The following CTNND2 variants were observed in gnomAD, a reference collection of about 807,000 sequenced individuals.
CTNND2 encodes the protein catenin delta-2.
A neutral mutation model predicts 144.4 loss-of-function variants in CTNND2; 22 were observed. The ratio of observed to expected loss-of-function variants is 0.15; its 90% CI spans 0.11 to 0.22. The LOEUF is 0.22. Among genes scored for constraint, CTNND2 ranks in the 10% least tolerant of loss-of-function variants. The pLI is 1.00. For synonymous variants in CTNND2, 751 were observed against 695.6 expected (o/e 1.08, Z -1.25); for missense variants, 1,353 against 1,618.8 (o/e 0.84, Z 2.82).
At chr5:11,318,414 C>T (rs1455912495) in intron 9 of CTNND2, among the ~76,000 whole-genome samples, 2 of 152,190 alleles carry the variant, frequency 1.3e-5, no homozygotes, top group Non-Finnish European at 2.9e-5. Context: ...CAAGTGGGCA[C>T]TCAGCCCTGT....
At chr5:11,350,745 C>T (rs1755245244) in intron 8 of CTNND2, among the ~76,000 whole-genome samples, 1 of 152,060 alleles carries the variant, frequency 6.6e-6, no homozygotes, top group South Asian at 2.1e-4. Context: ...TATTAAAGGA[C>T]AGGTTATATA....
rs574845500 is a variant in CTNND2, at chr5:11,109,829, C to A, written c.2463+1029G>T. ...AATCAATCATTATCTTCTCTTGGAT[C>A]TTACTCTGCTTTTTCAAGAAACACA... On this transcript the variant is annotated intron_variant, in intron 14 of 21. Transcript: ENST00000304623. 2.1e-5 allele frequency among the ~76,000 whole-genome samples: 3 copies of A among 144,560 alleles called. No individual in the cohort carries two copies. In the South Asian group the frequency reaches 6.8e-4, roughly 33 times the overall value. The allele number at this position is 144,560 out of a possible 152,430, so 94.8% of individuals were successfully genotyped here.
At chr5:11,356,632 G>T (rs2149757298) in intron 8 of CTNND2, among the ~76,000 whole-genome samples, 1 of 152,000 alleles carries the variant, frequency 6.6e-6, no homozygotes, top group East Asian at 1.9e-4. Flanking sequence ...ACAATATTGG[G>T]CTGGGCAAGA....
At chr5:11,644,923 T>C (rs528204065) in intron 2 of CTNND2, among the ~76,000 whole-genome samples, 32 of 152,180 alleles carry the variant, frequency 2.1e-4, no homozygotes, top group Non-Finnish European at 3.8e-4. Flanking sequence ...AGCAGATGTA[T>C]TCTGAAATCA....
At chr5:11,353,738 G>A (rs1218477478) in intron 8 of CTNND2, among the ~76,000 whole-genome samples, 1 of 152,026 alleles carries the variant, frequency 6.6e-6, no homozygotes, top group East Asian at 1.9e-4. Context: ...AGGAGGCGGA[G>A]GTTGCAGTGA....
rs561162812 is a variant in CTNND2, at chr5:11,264,720, A to C, written c.1629-27897T>G. Among the ~76,000 whole-genome samples, 5 of 152,312 alleles carry C rather than the reference A, an allele frequency of 3.3e-5. No homozygotes were observed. In the East Asian group the frequency reaches 9.6e-4, roughly 29 times the overall value. On this transcript the variant is annotated intron_variant, in intron 9 of 21. Coordinates refer to ENST00000304623, the MANE Select transcript of CTNND2 (RefSeq NM_001332.4). Reference sequence around the variant, plus strand: ...CGAGGCAGGCGGTTGGCCTGAGCTCAGGAGTTCAAGACCAGCCTAGGCAAC... The same window carrying C: ...CGAGGCAGGCGGTTGGCCTGAGCTCCGGAGTTCAAGACCAGCCTAGGCAAC...
chr5:11,682,959 TAATTA>T (rs1784485731), intron 2 of CTNND2, among the ~76,000 whole-genome samples: 1 of 152,220 alleles, frequency 6.6e-6, no homozygotes, highest in Non-Finnish European at 1.5e-5. Context: ...GTAGAAAACA[TAATTA>T]AATAAAGATA....
At chr5:11,457,219 T>C (rs138757323) in intron 3 of CTNND2, among the ~76,000 whole-genome samples, 4 of 152,136 alleles carry the variant, frequency 2.6e-5, no homozygotes, top group Admixed American at 6.5e-5. Context: ...CTGGGCAACA[T>C]AGTGAGACCC....
chr5:11,419,779 C>A (rs180977856), intron 3 of CTNND2, among the ~76,000 whole-genome samples: 1 of 152,136 alleles, frequency 6.6e-6, no homozygotes, highest in African/African-American at 2.4e-5. Flanking sequence ...GGAAAAGACA[C>A]AAAGCAAACC....
At chr5:11,598,528 A>C (rs1779630455) in intron 2 of CTNND2, among the ~76,000 whole-genome samples, 1 of 152,210 alleles carries the variant, frequency 6.6e-6, no homozygotes, top group African/African-American at 2.4e-5. Context: ...ATTACATTTA[A>C]ATGGTATAGT....
chr5:11,843,036 T>C (rs986092861), intron 1 of CTNND2, among the ~76,000 whole-genome samples: 5 of 152,178 alleles, frequency 3.3e-5, no homozygotes, highest in African/African-American at 9.7e-5. Context: ...TGCTTTAATA[T>C]TGCTTCATCA....
chr5:11,436,747 G>T (rs991993682), intron 3 of CTNND2, among the ~76,000 whole-genome samples: 3 of 152,168 alleles, frequency 2.0e-5, no homozygotes, highest in African/African-American at 7.2e-5. Flanking sequence ...GTTTTAAAAT[G>T]ACACAAATGG....
chr5:11,732,280 G>C lies in CTNND2; in HGVS notation c.38-8C>G, dbSNP rs1023068488. On this transcript the variant is annotated splice_region_variant and splice_polypyrimidine_tract_variant and intron_variant, in intron 1 of 21. Coordinates refer to ENST00000304623, the MANE Select transcript of CTNND2 (RefSeq NM_001332.4). ...CTGGAACAGGCATAGCTCCTGCAAG[G>C]CAAGAGGACATGATCAATACAATCA... 1 of 1,612,620 alleles carries C rather than the reference G, an allele frequency of 6.2e-7. No homozygotes were observed. Among genetic ancestry groups the C allele is most frequent in the Non-Finnish European group, 8.5e-7 (1 of 1,179,114 alleles).
At chr5:11,499,878 G>A (rs906073891) in intron 3 of CTNND2, among the ~76,000 whole-genome samples, 2 of 151,580 alleles carry the variant, frequency 1.3e-5, no homozygotes, top group African/African-American at 4.8e-5. Flanking sequence ...TTTTCTTGAA[G>A]AATCTCCCAC....
intron 3 of CTNND2, among the ~76,000 whole-genome samples, chr5:11,498,760 T>C (rs1581345315): frequency 6.6e-6 from 1 of 152,246 alleles, no homozygotes; most frequent in East Asian, 1.9e-4. Flanking sequence ...GTTTTTTTCC[T>C]TTACTTAAAA....
chr5:11,585,239 A>G (rs1778755484), intron 2 of CTNND2, among the ~76,000 whole-genome samples: 1 of 152,132 alleles, frequency 6.6e-6, no homozygotes, highest in Non-Finnish European at 1.5e-5. Context: ...ATGCAGAGTA[A>G]GAAGGGTGTT....
chr5:11,844,304 TAGAG>T (rs946598348), intron 1 of CTNND2, among the ~76,000 whole-genome samples: 1 of 152,078 alleles, frequency 6.6e-6, no homozygotes, highest in Non-Finnish European at 1.5e-5. Flanking sequence ...TTAAAGTTCA[TAGAG>T]AGATCTAACG....
intron 3 of CTNND2, among the ~76,000 whole-genome samples, chr5:11,489,564 C>A (rs2149990832): frequency 6.6e-6 from 1 of 152,286 alleles, no homozygotes; most frequent in African/African-American, 2.4e-5. Flanking sequence ...TTCCAACACA[C>A]AGTTTTACTT....
intron 1 of CTNND2, among the ~76,000 whole-genome samples, chr5:11,759,183 T>C (rs1789114244): frequency 1.0e-5 from 1 of 96,280 alleles, no homozygotes; most frequent in Non-Finnish European, 2.5e-5. Flanking sequence ...ATAATCTACC[T>C]TTTTATGTCA....
Sources: gnomAD v4.1 joint callset for allele counts (sites outside exome capture counted in the v4.1 genomes callset) on GRCh38, gnomAD v4.1.1 for gene constraint, MANE v1.5 for transcripts, NCBI Gene and HGNC (gene_info 2026-07-23, HGNC 2026-07-21) for gene names.